The following ZDHHC4 variants were observed in gnomAD, a reference collection of about 807,000 sequenced individuals.
ZDHHC4 encodes zDHHC palmitoyltransferase 4, also known as palmitoyltransferase ZDHHC4.
A neutral mutation model predicts 36.7 loss-of-function variants in ZDHHC4; 42 were observed. The ratio of observed to expected loss-of-function variants is 1.14; its 90% CI spans 0.89 to 1.48. The LOEUF (loss-of-function observed/expected upper bound fraction) is 1.48, where lower values mean the gene tolerates loss of function less well. Ranked by LOEUF, ZDHHC4 falls within the 40% of genes most tolerant of loss-of-function variation. The pLI, the probability that ZDHHC4 is intolerant of heterozygous loss-of-function variation, is 0.00. For synonymous variants in ZDHHC4, 189 were observed against 166.6 expected, an observed-to-expected ratio of 1.13 and a Z score of -1.03; for missense variants, 457 against 421.5, an observed-to-expected ratio of 1.08 and a Z score of -0.74.
intron 7 of ZDHHC4, among the ~76,000 whole-genome samples, chr7:6,588,159 C>T (rs901795475): frequency 2.4e-4 from 36 of 152,284 alleles, no homozygotes; most frequent in African/African-American, 8.4e-4. Context: ...GCCATTGCGC[C>T]CGGCCCCTGT....
chr7:6,589,286 T>A lies in ZDHHC4; in HGVS notation c.*376T>A. 1 of 225,588 alleles carries A rather than the reference T, an allele frequency of 4.4e-6. No individual in the cohort carries two copies. The highest frequency in any genetic ancestry group is 5.1e-5 in the Admixed American group (1 of 19,792). 14.0% of individuals were successfully genotyped at this position (225,588 alleles called of 1,614,324 possible). ...GCCTGCGCGTTGTGCCTGGCTGTGCTCTCTTTTATGCCCCCTCTATTCTCC... is the reference window on the plus strand; with the variant it reads ...GCCTGCGCGTTGTGCCTGGCTGTGCACTCTTTTATGCCCCCTCTATTCTCC... On this transcript the variant is annotated 3_prime_UTR_variant, in exon 8 of 8. Coordinates refer to ENST00000335965, the MANE Select transcript of ZDHHC4 (RefSeq NM_001134389.2).
In ZDHHC4 at chr7:6,589,094, C is replaced by T. The variant is rs547619012; in HGVS notation, c.*184C>T. On this transcript the variant is annotated 3_prime_UTR_variant, in exon 8 of 8. Coordinates refer to ENST00000335965, the MANE Select transcript of ZDHHC4 (RefSeq NM_001134389.2). ...CCCCTTGCTTGTCTTCTTTTGAAAC[C>T]GGGCATCTCTGAAGTCCTGGTGTCA... 44 of 700,710 alleles carry T rather than the reference C, an allele frequency of 6.3e-5. No individual in the cohort carries two copies. The South Asian group carries it at 6.5e-4, about 10-fold the overall frequency. The allele number at this position is 700,710 out of a possible 1,614,324, so 43.4% of individuals were successfully genotyped here. A position where few individuals can be genotyped will look rare whatever the true frequency, so the allele number is the denominator to read the frequency against.
At position 6,583,385 on chromosome 7, in the gene ZDHHC4, G is replaced by C. The variant is rs369621669; in HGVS notation, c.450G>C (p.Arg150Ser). 67 of 1,613,708 alleles carry C rather than the reference G, an allele frequency of 4.2e-5. No individual in the cohort carries two copies. The highest frequency in any genetic ancestry group is 5.2e-5 in the Non-Finnish European group (61 of 1,179,874). ...AAGTGATGTTTCCAAAGAACGTGAGGTGCTCTACTTGTGATTTAAGGAAAC... is the reference window on the plus strand; with the variant it reads ...AAGTGATGTTTCCAAAGAACGTGAGCTGCTCTACTTGTGATTTAAGGAAAC... ...FDEVMFPKNV[R>S]CSTCDLRKPA... Residue 150 changes from arginine to serine, a missense_variant, in exon 6 of 8, where the codon AGG becomes AGC. Transcript: ENST00000335965.
chr7:6,588,466 C>T (rs186229512), intron 7 of ZDHHC4, 151 bp from the exon 8 acceptor site: 3 of 770,368 alleles, frequency 3.9e-6, no homozygotes, highest in Admixed American at 2.4e-5. Context: ...CTTCTCAGTG[C>T]TGTTTATGTT....
At position 6,580,635 on chromosome 7, in the gene ZDHHC4, C is replaced by G. The variant is rs774421869; in HGVS notation, c.74C>G (p.Ser25Trp). 2 of 1,614,054 alleles carry G rather than the reference C, an allele frequency of 1.2e-6. No individual in the cohort carries two copies. Among genetic ancestry groups the G allele is most frequent in the Non-Finnish European group, 8.5e-7 (1 of 1,180,024 alleles). The change falls in exon 3 of 8, where the codon TCG becomes TGG. Residue 25 changes from serine (S) to tryptophan (W), a missense_variant. Ser to Trp is a radical substitution (Grantham distance 177). Coordinates refer to ENST00000335965, the MANE Select transcript of ZDHHC4 (RefSeq NM_001134389.2). ...GGTCTTGTTCTTATCTGCGTCTGCTCGAAAACCCATAGCTTGAAAGGCCTG... is the reference window on the plus strand; with the variant it reads ...GGTCTTGTTCTTATCTGCGTCTGCTGGAAAACCCATAGCTTGAAAGGCCTG... ...LMGLVLICVC[S>W]KTHSLKGLAR...
Position 6,585,387 on chromosome 7 carries a change from G to A in ZDHHC4, c.741+127G>A, listed in dbSNP as rs548095442. 7 of 1,327,584 alleles carry A rather than the reference G, an allele frequency of 5.3e-6. No homozygotes were observed. The East Asian group carries it at 1.7e-4, about 33-fold the overall frequency. The allele number at this position is 1,327,584 out of a possible 1,614,324, so 82.2% of individuals were successfully genotyped here. A position where few individuals can be genotyped will look rare whatever the true frequency, so the allele number is the denominator to read the frequency against. On this transcript the variant is annotated intron_variant, in intron 7 of 7. Coordinates refer to ENST00000335965, the MANE Select transcript of ZDHHC4 (RefSeq NM_001134389.2). ...GCCTATAATCCCAGCACTTTTGGAG[G>A]CCGAGGTGGGAGGATCGCATGAGGC...
In ZDHHC4 at chr7:6,588,854, C is replaced by T. The variant is rs781653397; in HGVS notation, c.979C>T (p.Leu327Phe). 4 of 1,612,632 alleles carry T rather than the reference C, an allele frequency of 2.5e-6. No homozygotes were observed. The highest frequency in any genetic ancestry group is 1.3e-5 in the African/African-American group (1 of 74,912). Residue 327 changes from leucine to phenylalanine, a missense_variant, in exon 8 of 8, where the codon CTT becomes TTT. Transcript: ENST00000335965. ...NIHSHGLRSNLQEIFLPAFPC... is the reference protein window; with the variant it reads ...NIHSHGLRSNFQEIFLPAFPC... ...TCACTCCCATGGGCTTCGGAGCAACCTTCAAGAGATCTTTCTACCTGCCTT... is the reference window on the plus strand; with the variant it reads ...TCACTCCCATGGGCTTCGGAGCAACTTTCAAGAGATCTTTCTACCTGCCTT...
chr7:6,584,939 T>C, intron 6 of ZDHHC4, 77 bp from the exon 7 acceptor site: 2 of 1,574,588 alleles, frequency 1.3e-6, no homozygotes, highest in Non-Finnish European at 1.7e-6. Context: ...GGACAGATTA[T>C]GAAAATCTCA....
rs1780791167 is a variant in ZDHHC4 at position 6,580,823 on chromosome 7, A to G, written c.117+145A>G. 16 of 743,170 alleles carry G rather than the reference A, an allele frequency of 2.2e-5. 1 individual carries two copies. In the South Asian group the frequency reaches 2.7e-4, roughly 13 times the overall value. 46.0% of individuals were successfully genotyped at this position (743,170 alleles called of 1,614,324 possible). A position where few individuals can be genotyped will look rare whatever the true frequency, so the allele number is the denominator to read the frequency against. On this transcript the variant is annotated intron_variant, in intron 3 of 7. Coordinates refer to ENST00000335965, the MANE Select transcript of ZDHHC4 (RefSeq NM_001134389.2). ...ATCCCGCTACTCAGGAAGCTGAGGCAGGAGGATCCCTTGAGCCAGGAGTCT... is the reference window on the plus strand; with the variant it reads ...ATCCCGCTACTCAGGAAGCTGAGGCGGGAGGATCCCTTGAGCCAGGAGTCT...
At position 6,589,133 on chromosome 7, in the gene ZDHHC4, A is replaced by G; in HGVS notation, c.*223A>G. On this transcript the variant is annotated 3_prime_UTR_variant, in exon 8 of 8. Coordinates refer to ENST00000335965, the MANE Select transcript of ZDHHC4 (RefSeq NM_001134389.2). ...GTCCTGGTGTCAAGGGGATCAAGAG[A>G]TGACTTCTCAGAGGTTCTAGGTGAT... 1 of 554,592 alleles carries G rather than the reference A, an allele frequency of 1.8e-6. No individual in the cohort carries two copies. Among genetic ancestry groups the G allele is most frequent in the Non-Finnish European group, 3.2e-6 (1 of 313,158 alleles). The allele number at this position is 554,592 out of a possible 1,614,324, so 34.4% of individuals were successfully genotyped here.
Position 6,585,111 on chromosome 7 carries a change from G to A in ZDHHC4, c.592G>A (p.Val198Ile), listed in dbSNP as rs760669582. Reference sequence around the variant, plus strand: ...GAACATCAGGTACTTCCTCATCTACGTCTTGACCTTGACGGCCTCGGCTGC... The same window carrying A: ...GAACATCAGGTACTTCCTCATCTACATCTTGACCTTGACGGCCTCGGCTGC... ...AWNIRYFLIY[V>I]LTLTASAATV... is the part of the protein sequence containing the mutation. The change falls in exon 7 of 8, where the codon GTC becomes ATC. Residue 198 changes from valine (V) to isoleucine (I), a missense_variant. Val to Ile is a conservative substitution (Grantham distance 29, BLOSUM62 3). Coordinates refer to ENST00000335965, the MANE Select transcript of ZDHHC4 (RefSeq NM_001134389.2). 2.5e-6 allele frequency: 4 copies of A among 1,613,962 alleles called. No individual in the cohort carries two copies. The highest frequency in any genetic ancestry group is 1.1e-5 in the South Asian group (1 of 91,074).
In ZDHHC4 at chr7:6,583,603, G is replaced by C. The variant is rs1343926168; in HGVS notation, c.496+172G>C. On this transcript the variant is annotated intron_variant, in intron 6 of 7. Transcript: ENST00000335965. ...TTTCTTTCAGATGAGTGAGGGTCAG[G>C]TCTTGTGTTCCTGTGTAGTAGACAG... 3 of 896,996 alleles carry C rather than the reference G, an allele frequency of 3.3e-6. No homozygotes were observed. In the African/African-American group the frequency reaches 5.1e-5, roughly 15 times the overall value. The allele number at this position is 896,996 out of a possible 1,614,324, so 55.6% of individuals were successfully genotyped here.
rs1360213579 is a variant in ZDHHC4, at chr7:6,577,500, T to C, written c.-163+2T>C. 3 of 152,126 alleles carry C rather than the reference T, an allele frequency of 2.0e-5. No individual in the cohort carries two copies. Among genetic ancestry groups the C allele is most frequent in the Non-Finnish European group, 2.9e-5 (2 of 68,032 alleles). 9.4% of individuals were successfully genotyped at this position (152,126 alleles called of 1,614,324 possible). Reference sequence around the variant, plus strand: ...GGCGCCGGAGCCCAGCGGCTGGCGGTAAGGCCGCCTCCGCGGGGCTGTGGG... The same window carrying C: ...GGCGCCGGAGCCCAGCGGCTGGCGGCAAGGCCGCCTCCGCGGGGCTGTGGG... On this transcript the variant is annotated splice_donor_variant, in intron 1 of 7. Coordinates refer to ENST00000335965, the MANE Select transcript of ZDHHC4 (RefSeq NM_001134389.2). LOFTEE classifies it low-confidence loss of function (5UTR_SPLICE).
chr7:6,580,784 G>A (rs1780788713), intron 3 of ZDHHC4, 106 bp downstream of exon 3: 6 of 1,039,814 alleles, frequency 5.8e-6, no homozygotes, highest in African/African-American at 1.6e-5. Flanking sequence ...CGGGTGCAGT[G>A]CCTCACACCT....
intron 5 of ZDHHC4, 107 bp from the exon 6 acceptor site, chr7:6,583,199 T>G: frequency 1.6e-6 from 2 of 1,262,118 alleles, no homozygotes; most frequent in South Asian, 2.6e-5. Context: ...AAGAATTACT[T>G]ACGATATTAA....
chr7:6,588,595 A>G (rs1319133489), intron 7 of ZDHHC4, 22 bp from the exon 8 acceptor site: 1 of 1,611,300 alleles, frequency 6.2e-7, no homozygotes. Context: ...TGCCTAAAGC[A>G]CTACCTTTTC....
chr7:6,579,314 C>T (rs1780674855), intron 2 of ZDHHC4, among the ~76,000 whole-genome samples: 2 of 151,960 alleles, frequency 1.3e-5, no homozygotes, highest in Non-Finnish European at 2.9e-5. Flanking sequence ...GATTCTCCTG[C>T]CTCCACCCCC....
At chr7:6,584,929 G>A in intron 6 of ZDHHC4, 87 bp from the exon 7 acceptor site, 1 of 1,549,486 alleles carries the variant, frequency 6.5e-7, no homozygotes, top group Non-Finnish European at 8.8e-7. Context: ...CACATCCAGT[G>A]GACAGATTAT....
intron 2 of ZDHHC4, among the ~76,000 whole-genome samples, chr7:6,580,176 T>G (rs905185392): frequency 9.9e-5 from 15 of 152,124 alleles, no homozygotes; most frequent in African/African-American, 3.4e-4. Context: ...TTTTTTATTT[T>G]ATTAAATTGA....
Sources: allele counts gnomAD v4.1 joint callset (sites outside exome capture counted in the v4.1 genomes callset), GRCh38; gene constraint gnomAD v4.1.1; transcripts MANE v1.5; gene names NCBI Gene and HGNC (gene_info 2026-07-23, HGNC 2026-07-21).